Variants in AJAP1 observed in about 807,000 individuals in gnomAD.
AJAP1 encodes adherens junction-associated protein 1.
In AJAP1, 5 loss-of-function variants were observed where a neutral mutation model predicts 35.0. That is an observed-to-expected ratio of 0.14 (90% CI 0.07 to 0.30). AJAP1 has a LOEUF of 0.30. Ranked by LOEUF, AJAP1 falls within the 10% of genes least tolerant of loss-of-function variation. AJAP1 has a pLI of 1.00. For missense variants in AJAP1, 586 were observed against 571.0 expected (o/e 1.03, Z -0.27); for synonymous variants, 284 against 249.3 (o/e 1.14, Z -1.31).
chr1:4,774,332 G>T, intron 4 of AJAP1, 95 bp from the exon 5 acceptor site: 1 of 1,150,684 alleles, frequency 8.7e-7, no homozygotes, highest in South Asian at 1.2e-5. Context: ...CCTTTCTCAA[G>T]AAGCCAGTCC....
intron 2 of AJAP1, among the ~76,000 whole-genome samples, chr1:4,735,693 C>T (rs527267089): frequency 6.6e-6 from 1 of 152,238 alleles, no homozygotes; most frequent in Non-Finnish European, 1.5e-5. Flanking sequence ...CTCCTCTGCT[C>T]CCTGAAGCCC....
At chr1:4,688,094 T>C (rs1030681686) in intron 1 of AJAP1, among the ~76,000 whole-genome samples, 1 of 151,870 alleles carries the variant, frequency 6.6e-6, no homozygotes, top group African/African-American at 2.4e-5. Flanking sequence ...GGAGCCAGGA[T>C]GGGGAAGGGG....
intron 1 of AJAP1, among the ~76,000 whole-genome samples, chr1:4,680,454 C>A (rs1037847924): frequency 3.9e-5 from 6 of 152,196 alleles, no homozygotes; most frequent in Admixed American, 6.5e-5. Context: ...TGGGGGGACA[C>A]AATTCCACCC....
intron 2 of AJAP1, among the ~76,000 whole-genome samples, chr1:4,732,164 C>T (rs569985369): frequency 2.0e-4 from 31 of 152,230 alleles, no homozygotes; most frequent in Non-Finnish European, 3.1e-4. Flanking sequence ...CCCTCTTGCC[C>T]GAAGGGCCCC....
Position 4,760,001 on chromosome 1 carries a change from G to A in AJAP1, c.830-9852G>A, listed in dbSNP as rs148552732. On this transcript the variant is annotated intron_variant, in intron 2 of 5. Transcript: ENST00000378191. ...CCTCTCCTTAGCATGCAGCGAGGCC[G>A]ACTTCCTTCCCCCCAGCACTGGCCT... Among the ~76,000 whole-genome samples, 596 of 152,246 alleles carry A rather than the reference G, an allele frequency of 3.9e-3. 2 individuals carry two copies. The highest frequency in any genetic ancestry group is 7.3e-3 in the Non-Finnish European group (496 of 68,014).
chr1:4,667,620 G>A (rs930935681), intron 1 of AJAP1, among the ~76,000 whole-genome samples: 4 of 152,214 alleles, frequency 2.6e-5, no homozygotes, highest in African/African-American at 9.7e-5. Flanking sequence ...GATCTGACAG[G>A]AGGCGGAGCT....
intron 5 of AJAP1, among the ~76,000 whole-genome samples, chr1:4,779,603 G>A (rs1642021074): frequency 6.6e-6 from 1 of 152,108 alleles, no homozygotes; most frequent in East Asian, 1.9e-4. Flanking sequence ...GTTCAGGCAG[G>A]AAACTATTCT....
chr1:4,691,493 C>T (rs760409170), intron 1 of AJAP1, among the ~76,000 whole-genome samples: 3 of 152,188 alleles, frequency 2.0e-5, no homozygotes, highest in Non-Finnish European at 2.9e-5. Flanking sequence ...CAGTGGGGCT[C>T]GGGAATTGTG....
At chr1:4,724,329 G>A (rs3753700) in intron 2 of AJAP1, among the ~76,000 whole-genome samples, 17,269 of 152,102 alleles carry the variant, frequency 0.11, 1,698 homozygotes, top group African/African-American at 0.26. Flanking sequence ...TGGCCTTGGC[G>A]GCATACCTAG....
chr1:4,752,474 G>A lies in AJAP1; in HGVS notation c.830-17379G>A, dbSNP rs532847654. Among the ~76,000 whole-genome samples, 7 of 152,264 alleles carry A rather than the reference G, an allele frequency of 4.6e-5. No individual in the cohort carries two copies. In the South Asian group the frequency reaches 6.2e-4, roughly 14 times the overall value. On this transcript the variant is annotated intron_variant, in intron 2 of 5. Coordinates refer to ENST00000378191, the MANE Select transcript of AJAP1 (RefSeq NM_018836.4). The stretch of plus-strand genomic sequence containing the variant: ...CATACCTTCTCTGTGAGCCCCATTC[G>A]CAATCTTACGAGCTATGGGGACCGA...
intron 5 of AJAP1, among the ~76,000 whole-genome samples, 154 bp downstream of exon 5, chr1:4,774,712 G>C (rs951304084): frequency 6.6e-6 from 1 of 152,076 alleles, no homozygotes; most frequent in African/African-American, 2.4e-5. Context: ...CCGGCGGGGG[G>C]GGCTGGGCTT....
chr1:4,787,352 T>G lies in AJAP1; in HGVS notation c.*4867T>G, dbSNP rs1272922524. The G allele has an allele frequency of 2.8e-3, 375 of 135,154 alleles. No homozygotes were observed. Among genetic ancestry groups the G allele is most frequent in the Admixed American group, 6.1e-3 (48 of 7,828 alleles). The allele number at this position is 135,154 out of a possible 1,614,324, so 8.4% of individuals were successfully genotyped here. A position where few individuals can be genotyped will look rare whatever the true frequency, so the allele number is the denominator to read the frequency against. ...AGGAGAGAGGGGAAGAGGGAGAGAG[T>G]GGGGGGCATTGAAGGGGAAGAAAGA... On this transcript the variant is annotated 3_prime_UTR_variant, in exon 6 of 6. Transcript: ENST00000378191.
chr1:4,745,457 G>C (rs1168755308), intron 2 of AJAP1, among the ~76,000 whole-genome samples: 7 of 152,194 alleles, frequency 4.6e-5, no homozygotes, highest in Non-Finnish European at 7.3e-5. Flanking sequence ...GCTCTGCCAG[G>C]CTCTGATGAG....
intron 2 of AJAP1, among the ~76,000 whole-genome samples, chr1:4,742,094 TAA>T (rs144492725): frequency 0.3 from 45,076 of 152,092 alleles, 7,010 homozygotes; most frequent in African/African-American, 0.35. Context: ...TAGTGAGTTT[TAA>T]AGAGTGGGTG....
intron 1 of AJAP1, among the ~76,000 whole-genome samples, chr1:4,694,634 C>T (rs1025567935): frequency 1.3e-5 from 2 of 152,210 alleles, no homozygotes; most frequent in Non-Finnish European, 2.9e-5. Context: ...GTGGGTCACG[C>T]GAGGGGTCTC....
chr1:4,677,885 A>G (rs1449109334), intron 1 of AJAP1, among the ~76,000 whole-genome samples: 1 of 152,234 alleles, frequency 6.6e-6, no homozygotes, highest in East Asian at 1.9e-4. Flanking sequence ...TTGGAATGCC[A>G]ACTCACTAAT....
In AJAP1 at chr1:4,655,395, G is replaced by C. The variant is rs1638854715; in HGVS notation, c.-31G>C. ...CCGCGCAGATGGCCTGGGCGAGCCA[G>C]GTCTGAGGCCCCGCTCCCCGAAACG... On this transcript the variant is annotated 5_prime_UTR_variant, in exon 1 of 6. Transcript: ENST00000378191. This position sits in a 1 kb window ranked among gnomAD's most constrained non-coding sequence, Gnocchi z 6.9. 4.5e-6 allele frequency: 7 copies of C among 1,551,260 alleles called. No individual in the cohort carries two copies.
chr1:4,782,432 C>T lies in AJAP1; in HGVS notation c.*60-113C>T, dbSNP rs1344391147. ...TGAACCGATAAAGGGAGTGATCGGG[C>T]TCTGCATGCGGGGGTGCTGCGTGTG... On this transcript the variant is annotated intron_variant, in intron 5 of 5. Coordinates refer to ENST00000378191, the MANE Select transcript of AJAP1 (RefSeq NM_018836.4). This position sits in a 1 kb window ranked among gnomAD's most constrained non-coding sequence, Gnocchi z 5.3. 1.6e-5 allele frequency: 4 copies of T among 249,672 alleles called. No individual in the cohort carries two copies. The Admixed American group carries it at 1.7e-4, about 10-fold the overall frequency. 15.5% of individuals were successfully genotyped at this position (249,672 alleles called of 1,614,324 possible).
intron 2 of AJAP1, among the ~76,000 whole-genome samples, chr1:4,767,137 C>G (rs1035991758): frequency 2.0e-5 from 3 of 152,184 alleles, no homozygotes; most frequent in Non-Finnish European, 4.4e-5. Context: ...ACCCTTCTTT[C>G]TGTTAACTTG....
Sources: gnomAD v4.1 joint callset for allele counts (sites outside exome capture counted in the v4.1 genomes callset) on GRCh38, gnomAD v4.1.1 for gene constraint, Gnocchi (gnomAD v3.1) non-coding constraint, MANE v1.5 for transcripts, NCBI Gene and HGNC (gene_info 2026-07-23, HGNC 2026-07-21) for gene names.